The following IMPA2 variants were observed in gnomAD, a reference collection of about 807,000 sequenced individuals.
IMPA2 encodes inositol monophosphatase 2, also known as IMP 2.
A neutral mutation model predicts 35.1 loss-of-function variants in IMPA2; 32 were observed. The observed-to-expected ratio is 0.91, with a 90% CI of 0.69 to 1.23. The LOEUF (loss-of-function observed/expected upper bound fraction) is 1.23. Ranked by LOEUF, IMPA2 falls within the 50% of genes most tolerant of loss-of-function variation. The pLI, the probability that IMPA2 is intolerant of heterozygous loss-of-function variation, is 0.00. For missense variants in IMPA2, 334 were observed against 387.6 expected (o/e 0.86, Z 1.16); for synonymous variants, 135 against 160.6 (o/e 0.84, Z 1.20).
intron 2 of IMPA2, 62 bp downstream of exon 2, chr18:11,999,249 G>C: frequency 6.6e-7 from 1 of 1,507,966 alleles, no homozygotes; most frequent in Non-Finnish European, 9.0e-7. Flanking sequence ...GAGAATGCAG[G>C]GTCTGCCGGG....
intron 5 of IMPA2, among the ~76,000 whole-genome samples, chr18:12,019,101 C>T (rs1907659687): frequency 6.6e-6 from 1 of 152,080 alleles, no homozygotes; most frequent in Non-Finnish European, 1.5e-5. Flanking sequence ...GCTGGAATTA[C>T]AGGTGTGAGC....
At position 12,003,519 on chromosome 18, in the gene IMPA2, C is replaced by T. The variant is rs1012225222; in HGVS notation, c.230+4332C>T. 4.6e-5 allele frequency among the ~76,000 whole-genome samples: 7 copies of T among 151,750 alleles called. No homozygotes were observed. In the South Asian group the frequency reaches 8.3e-4, roughly 18 times the overall value. On this transcript the variant is annotated intron_variant, in intron 2 of 7. Coordinates refer to ENST00000269159, the MANE Select transcript of IMPA2 (RefSeq NM_014214.3). ...AAACAAATTAGCTGGGCCATGGTGGCGCATGCCTGTAGTCCCAGCTACTTG... is the reference window on the plus strand; with the variant it reads ...AAACAAATTAGCTGGGCCATGGTGGTGCATGCCTGTAGTCCCAGCTACTTG...
At chr18:12,025,487 C>A (rs1455423240) in intron 5 of IMPA2, among the ~76,000 whole-genome samples, 10 of 152,210 alleles carry the variant, frequency 6.6e-5, no homozygotes, top group Non-Finnish European at 1.5e-5. Flanking sequence ...GCATTTCCAC[C>A]AGCCATGCAT....
In IMPA2 at chr18:12,028,186, C is replaced by A. The variant is rs201579345; in HGVS notation, c.599+35C>A. 1.1e-4 allele frequency: 149 copies of A among 1,375,038 alleles called. No individual in the cohort carries two copies. The African/African-American group carries it at 1.7e-3, about 16-fold the overall frequency. The allele number at this position is 1,375,038 out of a possible 1,614,324, so 85.2% of individuals were successfully genotyped here. On this transcript the variant is annotated intron_variant, in intron 6 of 7. Transcript: ENST00000269159. Reference sequence around the variant, plus strand: ...TCAGTTCGGGGAACACCCTGCAGCCCGAGGAGGAAGAACGGAACACGGACT... The same window carrying A: ...TCAGTTCGGGGAACACCCTGCAGCCAGAGGAGGAAGAACGGAACACGGACT...
intron 3 of IMPA2, among the ~76,000 whole-genome samples, chr18:12,011,049 C>T (rs1265425210): frequency 1.3e-5 from 2 of 152,184 alleles, no homozygotes; most frequent in African/African-American, 2.4e-5. Context: ...TTACTTCTGC[C>T]TGCTCGTGGT....
At chr18:12,000,774 C>A (rs1907094854) in intron 2 of IMPA2, among the ~76,000 whole-genome samples, 1 of 151,178 alleles carries the variant, frequency 6.6e-6, no homozygotes, top group Admixed American at 6.6e-5. Context: ...CGCCACCACG[C>A]CCAGCTAATT....
At chr18:11,999,271 C>G in intron 2 of IMPA2, 84 bp downstream of exon 2, 5 of 1,385,610 alleles carry the variant, frequency 3.6e-6, no homozygotes, top group Non-Finnish European at 4.9e-6. Context: ...TCAGGGGGCT[C>G]TGCTGTTTGT....
At chr18:12,007,002 C>T (rs1238638856) in intron 2 of IMPA2, among the ~76,000 whole-genome samples, 1 of 152,212 alleles carries the variant, frequency 6.6e-6, no homozygotes, top group Non-Finnish European at 1.5e-5. Flanking sequence ...GTGTGGCGCA[C>T]GCCTGTAATC....
At chr18:12,021,766 C>T (rs1907737704) in intron 5 of IMPA2, 1 of 152,200 alleles carries the variant, frequency 6.6e-6, no homozygotes, top group Non-Finnish European at 1.5e-5. Context: ...GATCGGCGCA[C>T]CTCAGCCTTG....
At chr18:12,008,413 CACAGA>C (rs777382889) in intron 2 of IMPA2, 6 of 517,230 alleles carry the variant, frequency 1.2e-5, no homozygotes, top group South Asian at 7.0e-5. Flanking sequence ...CATAGTCATG[CACAGA>C]ACAGATGTTT....
In IMPA2 at chr18:12,014,165, C is replaced by G; in HGVS notation, c.382-100C>G. Reference sequence around the variant, plus strand: ...TTCTGTCACAGTGTAATGTGTTATCCTAACGCCTAGCGCAGCCTTCATCTT... The same window carrying G: ...TTCTGTCACAGTGTAATGTGTTATCGTAACGCCTAGCGCAGCCTTCATCTT... On this transcript the variant is annotated intron_variant, in intron 4 of 7. Coordinates refer to ENST00000269159, the MANE Select transcript of IMPA2 (RefSeq NM_014214.3). 3.7e-6 allele frequency: 3 copies of G among 820,580 alleles called. No individual in the cohort carries two copies. The East Asian group carries it at 7.9e-5, about 22-fold the overall frequency. 50.8% of individuals were successfully genotyped at this position (820,580 alleles called of 1,614,324 possible).
chr18:12,001,635 G>A (rs1027114897), intron 2 of IMPA2, among the ~76,000 whole-genome samples: 1 of 152,142 alleles, frequency 6.6e-6, no homozygotes, highest in East Asian at 1.9e-4. Context: ...TGTATTATGG[G>A]GTGAGCACAG....
intron 1 of IMPA2, among the ~76,000 whole-genome samples, chr18:11,985,616 T>G (rs913615741): frequency 2.0e-5 from 3 of 152,190 alleles, no homozygotes; most frequent in African/African-American, 7.2e-5. Context: ...CTCTGTGCAG[T>G]TGAAATCTGG....
At chr18:11,982,814 ATTGT>A (rs1906545535) in intron 1 of IMPA2, among the ~76,000 whole-genome samples, 1 of 149,738 alleles carries the variant, frequency 6.7e-6, no homozygotes, top group African/African-American at 2.5e-5. Context: ...AAAAAAAGTG[ATTGT>A]TTTCGGGGAT....
At chr18:11,996,207 A>G (rs1221901740) in intron 1 of IMPA2, among the ~76,000 whole-genome samples, 1 of 152,236 alleles carries the variant, frequency 6.6e-6, no homozygotes, top group Non-Finnish European at 1.5e-5. Flanking sequence ...AAAACCCCAG[A>G]GCACAGCAGG....
At chr18:12,024,259 T>G (rs1907815069) in intron 5 of IMPA2, among the ~76,000 whole-genome samples, 1 of 152,206 alleles carries the variant, frequency 6.6e-6, no homozygotes, top group Non-Finnish European at 1.5e-5. Context: ...TGAGATGGGT[T>G]GATCACCTGA....
At chr18:11,996,375 T>C (rs1906958379) in intron 1 of IMPA2, among the ~76,000 whole-genome samples, 1 of 152,176 alleles carries the variant, frequency 6.6e-6, no homozygotes, top group Non-Finnish European at 1.5e-5. Context: ...TGTGATGTAA[T>C]TGGTGTCTGA....
intron 1 of IMPA2, among the ~76,000 whole-genome samples, chr18:11,993,075 AACTGAT>A (rs60287830): frequency 0.45 from 68,263 of 151,840 alleles, 17,398 homozygotes; most frequent in African/African-American, 0.69. Flanking sequence ...ATGTTCTCAC[AACTGAT>A]ACTGGTGAGG....
chr18:12,006,246 C>G (rs796474666), intron 2 of IMPA2, among the ~76,000 whole-genome samples: 5 of 152,356 alleles, frequency 3.3e-5, no homozygotes, highest in African/African-American at 1.2e-4. Flanking sequence ...CTCTCCACCC[C>G]CTGCCCCGGC....
Sources: allele counts gnomAD v4.1 joint callset (sites outside exome capture counted in the v4.1 genomes callset), GRCh38; gene constraint gnomAD v4.1.1; transcripts MANE v1.5; gene names NCBI Gene and HGNC (gene_info 2026-07-23, HGNC 2026-07-21).